SH3PXD2A: variants seen among roughly 807,000 people sequenced by gnomAD.
SH3PXD2A encodes the protein SH3 and PX domains 2A, also known as SH3 and PX domain-containing protein 2A.
SH3PXD2A carries 32 observed loss-of-function variants against 115.2 expected under a neutral mutation model. The observed-to-expected ratio is 0.28, with a 90% CI of 0.21 to 0.37. SH3PXD2A has a LOEUF of 0.37. Among genes scored for constraint, SH3PXD2A ranks in the 10% least tolerant of loss-of-function variants. The pLI, the probability that SH3PXD2A is intolerant of heterozygous loss-of-function variation, is 1.00. For missense variants in SH3PXD2A, 1,328 were observed against 1,498.7 expected, an observed-to-expected ratio of 0.89 and a Z score of 1.88; for synonymous variants, 610 against 629.1, an observed-to-expected ratio of 0.97 and a Z score of 0.45.
At chr10:103,694,080 T>C (rs1014953427) in intron 5 of SH3PXD2A, among the ~76,000 whole-genome samples, 3 of 152,144 alleles carry the variant, frequency 2.0e-5, no homozygotes, top group Non-Finnish European at 4.4e-5. Context: ...CTGGCTCCCT[T>C]AACCTGAGCC....
intron 7 of SH3PXD2A, among the ~76,000 whole-genome samples, chr10:103,664,051 C>A (rs1049028352): frequency 6.6e-6 from 1 of 152,236 alleles, no homozygotes; most frequent in African/African-American, 2.4e-5. Flanking sequence ...GAGGCAGCGC[C>A]GGGTGCTGCG....
intron 12 of SH3PXD2A, 135 bp from the exon 13 acceptor site, chr10:103,611,765 C>T (rs1204067508): frequency 2.7e-6 from 2 of 729,522 alleles, no homozygotes; most frequent in Admixed American, 2.1e-5. Flanking sequence ...AAGGACTTGA[C>T]ACTCTAAGTC....
intron 7 of SH3PXD2A, chr10:103,661,933 G>A (rs1006862997): frequency 2.0e-6 from 2 of 985,096 alleles, no homozygotes; most frequent in Non-Finnish European, 2.4e-6. Context: ...CCTCAAGTTC[G>A]CTCCGTTCCT....
At chr10:103,817,207 G>C (rs1394617574) in intron 1 of SH3PXD2A, among the ~76,000 whole-genome samples, 1 of 151,464 alleles carries the variant, frequency 6.6e-6, no homozygotes, top group East Asian at 1.9e-4. Flanking sequence ...TTGTTATACA[G>C]GTAAACTTAC....
At chr10:103,614,789 A>C (rs946734204) in intron 11 of SH3PXD2A, among the ~76,000 whole-genome samples, 8 of 142,220 alleles carry the variant, frequency 5.6e-5, no homozygotes, top group Admixed American at 5.6e-4. Flanking sequence ...TCCTGATCTG[A>C]CCTTGTTCTT....
intron 1 of SH3PXD2A, among the ~76,000 whole-genome samples, chr10:103,830,524 A>G (rs1218453284): frequency 6.6e-6 from 1 of 152,232 alleles, no homozygotes; most frequent in East Asian, 1.9e-4. Context: ...TTAGGGCTGC[A>G]ATATATAAGG....
Position 103,599,986 on chromosome 10 carries a change from T to C in SH3PXD2A, c.*1830A>G, listed in dbSNP as rs971013725. ...GGTTGCCCAGGCAAGGCCTCTGGGATGGGGTGTGGTGGGGTAGGGTAGGGG... is the reference window on the plus strand; with the variant it reads ...GGTTGCCCAGGCAAGGCCTCTGGGACGGGGTGTGGTGGGGTAGGGTAGGGG... On this transcript the variant is annotated 3_prime_UTR_variant, in exon 15 of 15. Coordinates refer to ENST00000369774, the MANE Select transcript of SH3PXD2A (RefSeq NM_001394015.1). The C allele has an allele frequency of 2.5e-4, 13 of 51,608 alleles. No homozygotes were observed. The Admixed American group carries it at 2.7e-3, about 11-fold the overall frequency. 3.2% of individuals were successfully genotyped at this position (51,608 alleles called of 1,614,324 possible).
intron 6 of SH3PXD2A, among the ~76,000 whole-genome samples, chr10:103,669,918 T>TC (rs1397693381): frequency 6.6e-6 from 1 of 152,222 alleles, no homozygotes; most frequent in African/African-American, 2.4e-5. Flanking sequence ...CTGGTATTTT[T>TC]CCCAACAAAC....
chr10:103,617,081 C>T (rs764664673), intron 11 of SH3PXD2A, 116 bp downstream of exon 11: 67 of 734,026 alleles, frequency 9.1e-5, no homozygotes, highest in South Asian at 5.7e-4. Context: ...AGCCCTGTGC[C>T]GTGGGCACAA....
chr10:103,721,734 G>A (rs974439327), intron 5 of SH3PXD2A, among the ~76,000 whole-genome samples: 3 of 152,188 alleles, frequency 2.0e-5, no homozygotes, highest in African/African-American at 7.2e-5. Flanking sequence ...GGGCAAGGGC[G>A]GGTCAGGTGA....
intron 10 of SH3PXD2A, 64 bp from the exon 11 acceptor site, chr10:103,617,378 C>G (rs1307282984): frequency 1.8e-6 from 2 of 1,139,112 alleles, no homozygotes; most frequent in Non-Finnish European, 2.7e-6. Context: ...CTTCCTGTCC[C>G]CTCCTCCTGC....
intron 1 of SH3PXD2A, among the ~76,000 whole-genome samples, chr10:103,808,046 G>A (rs1225775261): frequency 6.6e-6 from 1 of 151,978 alleles, no homozygotes; most frequent in African/African-American, 2.4e-5. Context: ...GGGGGGGTTG[G>A]TAAGAAGGAG....
intron 4 of SH3PXD2A, among the ~76,000 whole-genome samples, 189 bp from the exon 5 acceptor site, chr10:103,724,550 C>G (rs933734582): frequency 1.3e-5 from 2 of 152,032 alleles, no homozygotes; most frequent in East Asian, 1.9e-4. Context: ...AATAACGAAT[C>G]AAACAACCAA....
intron 6 of SH3PXD2A, among the ~76,000 whole-genome samples, chr10:103,684,902 C>T (rs2134113569): frequency 6.6e-6 from 1 of 152,174 alleles, no homozygotes; most frequent in South Asian, 2.1e-4. Context: ...TGTCTGTAGT[C>T]CCAACTACTC....
intron 5 of SH3PXD2A, among the ~76,000 whole-genome samples, chr10:103,699,178 C>T (rs748404011): frequency 6.6e-6 from 1 of 152,120 alleles, no homozygotes; most frequent in African/African-American, 2.4e-5. Context: ...GGTTCTGGGC[C>T]CAGCTCTGCC....
intron 4 of SH3PXD2A, among the ~76,000 whole-genome samples, chr10:103,735,135 G>C (rs999748240): frequency 6.6e-6 from 1 of 152,230 alleles, no homozygotes; most frequent in Non-Finnish European, 1.5e-5. Context: ...CAGCAGCGCT[G>C]GGCTCTAATC....
rs530662828 is a variant in SH3PXD2A at position 103,714,318 on chromosome 10, G to A, written c.398+9952C>T. On this transcript the variant is annotated intron_variant, in intron 5 of 14. Coordinates refer to ENST00000369774, the MANE Select transcript of SH3PXD2A (RefSeq NM_001394015.1). Reference sequence around the variant, plus strand: ...TGCACAAGCCCAAGAAATTAATGGGGGACCCAGTCTACCCCCACACACTCC... The same window carrying A: ...TGCACAAGCCCAAGAAATTAATGGGAGACCCAGTCTACCCCCACACACTCC... 6.6e-5 allele frequency among the ~76,000 whole-genome samples: 10 copies of A among 152,236 alleles called. No individual in the cohort carries two copies. The South Asian group carries it at 1.5e-3, about 22-fold the overall frequency.
intron 5 of SH3PXD2A, among the ~76,000 whole-genome samples, chr10:103,703,350 C>A (rs555620431): frequency 6.6e-6 from 1 of 152,334 alleles, no homozygotes; most frequent in African/African-American, 2.4e-5. Context: ...TGCGTTAGCC[C>A]CATTTTACAG....
At chr10:103,722,759 A>C (rs2038197564) in intron 5 of SH3PXD2A, among the ~76,000 whole-genome samples, 1 of 152,142 alleles carries the variant, frequency 6.6e-6, no homozygotes, top group East Asian at 1.9e-4. Context: ...TAGCAGCAGA[A>C]CTGGGACGTG....
Sources: allele counts gnomAD v4.1 joint callset (sites outside exome capture counted in the v4.1 genomes callset), GRCh38; gene constraint gnomAD v4.1.1; transcripts MANE v1.5; gene names NCBI Gene and HGNC (gene_info 2026-07-23, HGNC 2026-07-21).